EXOC4: variants seen among roughly 807,000 people sequenced by gnomAD.
EXOC4 encodes the protein exocyst complex component 4, also known as SEC8-like 1.
In EXOC4, 71 loss-of-function variants were observed where a neutral mutation model predicts 107.2. The observed-to-expected ratio is 0.66, with a 90% CI of 0.55 to 0.81. The LOEUF (loss-of-function observed/expected upper bound fraction) is 0.81. Ranked by LOEUF, EXOC4 falls within the 30% of genes least tolerant of loss-of-function variation. The pLI, the probability that EXOC4 is intolerant of heterozygous loss-of-function variation, is 0.00. For synonymous variants in EXOC4, 456 were observed against 441.2 expected (o/e 1.03, Z -0.42); for missense variants, 1,108 against 1,189.6 (o/e 0.93, Z 1.01).
chr7:134,067,407 C>T (rs1274937865), downstream of EXOC4, among the ~76,000 whole-genome samples: 1 of 151,982 alleles, frequency 6.6e-6, no homozygotes, highest in Non-Finnish European at 1.5e-5. Context: ...CTCAGAACAG[C>T]AGCTCCCAGA....
Position 133,638,124 on chromosome 7 carries a change from TAAAG to T in EXOC4, c.1514+7985_1514+7988del, listed in dbSNP as rs140256938. The stretch of plus-strand genomic sequence containing the variant: ...GAGATCACTTTATATAGAAATCACT[TAAAG>T]AGATAGTTATTTTGTTATTTGTTGC... On this transcript the variant is annotated intron_variant, in intron 10 of 17. Transcript: ENST00000253861. Among the ~76,000 whole-genome samples the T allele has an allele frequency of 3.8e-3, 572 of 152,222 alleles. 5 individuals carry two copies. The highest frequency in any genetic ancestry group is 0.013 in the African/African-American group (532 of 41,556).
chr7:133,739,222 T>TTGTGTGTGTGTG lies in EXOC4; in HGVS notation c.1515-78073_1515-78062dup, dbSNP rs72444310. 2.4e-3 allele frequency among the ~76,000 whole-genome samples: 338 copies of TTGTGTGTGTGTG among 142,394 alleles called. 2 individuals carry two copies. Among genetic ancestry groups the TTGTGTGTGTGTG allele is most frequent in the East Asian group, 6.1e-3 (29 of 4,782 alleles). The allele number at this position is 142,394 out of a possible 152,430, so 93.4% of individuals were successfully genotyped here. A position where few individuals can be genotyped will look rare whatever the true frequency, so the allele number is the denominator to read the frequency against. Reference sequence around the variant, plus strand: ...CTTACAGAAGCACATGTAGAGGGGTTTGTGTGTGTGTGTGTGTGTGTGTGT... The same window carrying TTGTGTGTGTGTG: ...CTTACAGAAGCACATGTAGAGGGGTTTGTGTGTGTGTGTGTGTGTGTGTGTGTGTGTGTGTGT... On this transcript the variant is annotated intron_variant, in intron 10 of 17. Transcript: ENST00000253861.
At position 134,050,409 on chromosome 7, in the gene EXOC4, T is replaced by C. The variant is rs190855603; in HGVS notation, c.2688-13882T>C. On this transcript the variant is annotated intron_variant, in intron 17 of 17. Transcript: ENST00000253861. ...TGAAGGCTTACAGGTTAAATAACTT[T>C]CCCAAGTTCACAAAACTAGTAAGTA... Among the ~76,000 whole-genome samples the C allele has an allele frequency of 3.5e-4, 53 of 152,314 alleles. No individual in the cohort carries two copies. The East Asian group carries it at 9.1e-3, about 26-fold the overall frequency.
chr7:133,557,686 A>G (rs904050715), intron 9 of EXOC4, among the ~76,000 whole-genome samples: 4 of 152,152 alleles, frequency 2.6e-5, no homozygotes, highest in African/African-American at 4.8e-5. Context: ...TTTATTCTCT[A>G]TTGTACTTAA....
rs975184148 is a variant in EXOC4, at chr7:134,035,382, G to A, written c.2687+27547G>A. On this transcript the variant is annotated intron_variant, in intron 17 of 17. Transcript: ENST00000253861. ...TAAAAGGGTCATTAATAGTGTCATC[G>A]TAAAAGTGGGAGTAGGCAGGAGATT... is the stretch of plus-strand genomic sequence containing the variant. 2.6e-5 allele frequency among the ~76,000 whole-genome samples: 4 copies of A among 152,108 alleles called. No individual in the cohort carries two copies. The South Asian group carries it at 6.2e-4, about 24-fold the overall frequency.
chr7:133,704,830 T>C (rs1794734421), intron 10 of EXOC4, among the ~76,000 whole-genome samples: 1 of 152,208 alleles, frequency 6.6e-6, no homozygotes, highest in Non-Finnish European at 1.5e-5. Context: ...ATTTTCCACT[T>C]GTGGCATCAG....
chr7:133,912,966 G>A (rs1459745936), intron 12 of EXOC4, among the ~76,000 whole-genome samples: 1 of 152,114 alleles, frequency 6.6e-6, no homozygotes. Flanking sequence ...TTTAGTCAAG[G>A]TTGAAAACCT....
chr7:133,387,810 A>C, intron 7 of EXOC4, among the ~76,000 whole-genome samples: 1 of 152,230 alleles, frequency 6.6e-6, no homozygotes, highest in Non-Finnish European at 1.5e-5. Flanking sequence ...ACAAATGTTC[A>C]GTCTGAACAC....
At chr7:133,283,475 A>G (rs1794205376) in intron 2 of EXOC4, among the ~76,000 whole-genome samples, 1 of 152,212 alleles carries the variant, frequency 6.6e-6, no homozygotes, top group African/African-American at 2.4e-5. Context: ...TGCAGTGATC[A>G]TGGGAGTGCA....
chr7:133,960,695 T>C (rs1051354145), intron 14 of EXOC4, among the ~76,000 whole-genome samples: 1 of 152,210 alleles, frequency 6.6e-6, no homozygotes, highest in African/African-American at 2.4e-5. Flanking sequence ...GGGTTATCTT[T>C]CTGATATGTT....
intron 11 of EXOC4, among the ~76,000 whole-genome samples, chr7:133,863,476 A>G (rs1329678542): frequency 6.6e-6 from 1 of 152,180 alleles, no homozygotes; most frequent in Non-Finnish European, 1.5e-5. Flanking sequence ...TCATTATATA[A>G]AGTTCAAAAA....
intron 11 of EXOC4, among the ~76,000 whole-genome samples, chr7:133,880,527 C>T (rs1005363133): frequency 9.9e-5 from 15 of 152,052 alleles, no homozygotes; most frequent in Admixed American, 6.6e-5. Flanking sequence ...ACAACTTAGC[C>T]GTAGAGTTGC....
intron 10 of EXOC4, among the ~76,000 whole-genome samples, chr7:133,746,322 T>C (rs576113693): frequency 3.6e-4 from 55 of 152,334 alleles, no homozygotes; most frequent in African/African-American, 1.2e-3. Context: ...TAAAGAACTT[T>C]CGTTACTTTG....
chr7:133,908,187 G>C (rs1400524975), intron 12 of EXOC4, among the ~76,000 whole-genome samples: 1 of 152,174 alleles, frequency 6.6e-6, no homozygotes, highest in African/African-American at 2.4e-5. Flanking sequence ...AAAGTAACAA[G>C]GACCTAGACT....
rs577930384 is a variant in EXOC4 at position 133,492,545 on chromosome 7, T to C, written c.1417+12407T>C. ...CTCAAGTGTAAGGCTTTCAGCAGTT[T>C]GTGATTACTCATAACCATTCCTCTT... On this transcript the variant is annotated intron_variant, in intron 9 of 17. Coordinates refer to ENST00000253861, the MANE Select transcript of EXOC4 (RefSeq NM_021807.4). 1.1e-4 allele frequency among the ~76,000 whole-genome samples: 16 copies of C among 152,318 alleles called. No homozygotes were observed. The East Asian group carries it at 2.5e-3, about 24-fold the overall frequency.
intron 6 of EXOC4, among the ~76,000 whole-genome samples, chr7:133,372,167 C>G (rs1038028284): frequency 6.6e-6 from 1 of 152,078 alleles, no homozygotes; most frequent in Non-Finnish European, 1.5e-5. Flanking sequence ...TATGTATTGC[C>G]TTTTTACTTT....
At chr7:133,815,116 A>T (rs1379124239) in intron 10 of EXOC4, among the ~76,000 whole-genome samples, 2 of 152,166 alleles carry the variant, frequency 1.3e-5, no homozygotes, top group African/African-American at 4.8e-5. Flanking sequence ...AAAATTTTTT[A>T]TCAAAACGTT....
intron 5 of EXOC4, among the ~76,000 whole-genome samples, chr7:133,350,489 G>T (rs1795884216): frequency 6.6e-6 from 1 of 151,976 alleles, no homozygotes; most frequent in Admixed American, 6.6e-5. Context: ...TGTATGTGAG[G>T]TTTTTTCCCC....
At chr7:134,092,537 G>A in the EXOC4 span, among the ~76,000 whole-genome samples, 1 of 152,152 alleles carries the variant, frequency 6.6e-6, no homozygotes, top group Non-Finnish European at 1.5e-5. Context: ...TAAGCCAGAG[G>A]AGACTTGGGG....
Sources: allele counts gnomAD v4.1 joint callset (sites outside exome capture counted in the v4.1 genomes callset), GRCh38; gene constraint gnomAD v4.1.1; transcripts MANE v1.5; gene names NCBI Gene and HGNC (gene_info 2026-07-23, HGNC 2026-07-21).